Variants in GID4 observed in about 807,000 individuals in gnomAD.
GID4 encodes the protein GID complex subunit 4 homolog.
In GID4, 7 loss-of-function variants were observed where a neutral mutation model predicts 32.4. The ratio of observed to expected loss-of-function variants is 0.22; its 90% confidence interval spans 0.12 to 0.41. The LOEUF is 0.41. Ranked by LOEUF, GID4 falls within the 10% of genes least tolerant of loss-of-function variation. The pLI, the probability that GID4 is intolerant of heterozygous loss-of-function variation, is 1.00. For missense variants in GID4, 309 were observed against 400.0 expected (o/e 0.77, Z 1.94); for synonymous variants, 166 against 170.0 (o/e 0.98, Z 0.18).
rs193097868 is a variant in GID4, at chr17:18,066,617, G to A, written c.*1374G>A. ...TACAAGACTTACTCCGAATACAAGA[G>A]GAAAAGCTTTAAAAACAAGATTGCA... On this transcript the variant is annotated 3_prime_UTR_variant, in exon 6 of 6. Coordinates refer to ENST00000268719, the MANE Select transcript of GID4 (RefSeq NM_024052.5). 6.6e-6 allele frequency: 1 copy of A among 152,132 alleles called. No homozygotes were observed. Among genetic ancestry groups the A allele is most frequent in the East Asian group, 1.9e-4 (1 of 5,190 alleles). The allele number at this position is 152,132 out of a possible 1,614,324, so 9.4% of individuals were successfully genotyped here.
chr17:18,042,068 A>G (rs1416131261), intron 1 of GID4, among the ~76,000 whole-genome samples: 1 of 152,222 alleles, frequency 6.6e-6, no homozygotes, highest in Non-Finnish European at 1.5e-5. Context: ...TTCAGCCAGG[A>G]CTAGTTTGTC....
Position 18,039,949 on chromosome 17 carries a change from C to T in GID4, c.438+47C>T. ...GGCCCGAGGGCCTCCTCGCGGCGCT[C>T]ACGGGCCGTGCCCGCTTCGGCTCCT... On this transcript the variant is annotated intron_variant, in intron 1 of 5. Transcript: ENST00000268719. This position sits in a 1 kb window ranked among gnomAD's most constrained non-coding sequence, Gnocchi z 5.3. 7.6e-7 allele frequency: 1 copy of T among 1,310,574 alleles called. No individual in the cohort carries two copies. Among genetic ancestry groups the T allele is most frequent in the East Asian group, 3.1e-5 (1 of 32,620 alleles). 81.2% of individuals were successfully genotyped at this position (1,310,574 alleles called of 1,614,324 possible).
chr17:18,044,313 T>A (rs2044831512), intron 1 of GID4, among the ~76,000 whole-genome samples: 1 of 152,146 alleles, frequency 6.6e-6, no homozygotes, highest in Non-Finnish European at 1.5e-5. Flanking sequence ...GTTGACCAAG[T>A]CTTACGTGGT....
At chr17:18,045,666 G>C (rs1226911402) in intron 2 of GID4, among the ~76,000 whole-genome samples, 2 of 151,766 alleles carry the variant, frequency 1.3e-5, no homozygotes, top group Non-Finnish European at 2.9e-5. Context: ...AGCCTGAGGT[G>C]TGCAGATCAC....
At chr17:18,056,320 G>C (rs2044966620) in intron 3 of GID4, among the ~76,000 whole-genome samples, 1 of 152,248 alleles carries the variant, frequency 6.6e-6, no homozygotes, top group African/African-American at 2.4e-5. Flanking sequence ...GTGTCTCTCT[G>C]TGATACAAGA....
chr17:18,058,409 TG>T (rs1308608043), intron 3 of GID4, among the ~76,000 whole-genome samples: 8 of 152,216 alleles, frequency 5.3e-5, no homozygotes, highest in African/African-American at 1.9e-4. Context: ...CTTAGCTAGC[TG>T]GCCCAAGCCC....
chr17:18,048,759 C>CA (rs2145556688), intron 2 of GID4, among the ~76,000 whole-genome samples: 1 of 152,022 alleles, frequency 6.6e-6, no homozygotes, highest in African/African-American at 2.4e-5. Flanking sequence ...TCCCATGCCT[C>CA]AGCCTCCCGA....
intron 5 of GID4, among the ~76,000 whole-genome samples, chr17:18,064,670 C>T (rs1326964804): frequency 2.6e-5 from 4 of 152,096 alleles, no homozygotes; most frequent in Non-Finnish European, 5.9e-5. Context: ...AGCCTAATAC[C>T]GTACCTAGGA....
chr17:18,050,285 CTT>C (rs1385203791), intron 2 of GID4, among the ~76,000 whole-genome samples: 1 of 152,200 alleles, frequency 6.6e-6, no homozygotes, highest in Non-Finnish European at 1.5e-5. Flanking sequence ...GTTTTTAACT[CTT>C]TGAGGAATTG....
chr17:18,061,064 A>G lies in GID4; in HGVS notation c.709-781A>G, dbSNP rs563789366. Among the ~76,000 whole-genome samples the G allele has an allele frequency of 6.6e-6, 1 of 152,318 alleles. No individual in the cohort carries two copies. Among genetic ancestry groups the G allele is most frequent in the East Asian group, 1.9e-4 (1 of 5,192 alleles). On this transcript the variant is annotated intron_variant, in intron 4 of 5. Coordinates refer to ENST00000268719, the MANE Select transcript of GID4 (RefSeq NM_024052.5). This position sits in a 1 kb window ranked among gnomAD's most constrained non-coding sequence, Gnocchi z 4.4. ...TTTTAAAATTAATTTTAAAAGCCAC[A>G]ATTTTAGAAGTTGAATAAGGAATGG...
rs1203287696 is a variant in GID4, at chr17:18,039,435, T to C, written c.-30T>C. 3.5e-5 allele frequency: 47 copies of C among 1,348,604 alleles called. No homozygotes were observed. The East Asian group carries it at 1.1e-3, about 33-fold the overall frequency. 83.5% of individuals were successfully genotyped at this position (1,348,604 alleles called of 1,614,324 possible). On this transcript the variant is annotated 5_prime_UTR_variant, in exon 1 of 6. Coordinates refer to ENST00000268719, the MANE Select transcript of GID4 (RefSeq NM_024052.5). This position sits in a 1 kb window ranked among gnomAD's most constrained non-coding sequence, Gnocchi z 5.3. ...GTGTGTGTCTGTGTGTGTTTGTGTGTTGTGTGTCTGTGAGTGTCTGTGTGT... is the reference window on the plus strand; with the variant it reads ...GTGTGTGTCTGTGTGTGTTTGTGTGCTGTGTGTCTGTGAGTGTCTGTGTGT...
intron 2 of GID4, among the ~76,000 whole-genome samples, chr17:18,053,169 A>G (rs1177954729): frequency 2.7e-5 from 4 of 149,030 alleles, no homozygotes; most frequent in African/African-American, 4.9e-5. Flanking sequence ...ATGCGCCACC[A>G]CGCCCGGCTA....
At chr17:18,057,809 A>G (rs2145568755) in intron 3 of GID4, among the ~76,000 whole-genome samples, 1 of 152,222 alleles carries the variant, frequency 6.6e-6, no homozygotes, top group East Asian at 1.9e-4. Context: ...ATTTGAAAAA[A>G]AAAATTGCAT....
In GID4 at chr17:18,060,164, C is replaced by T. The variant is rs1227659003; in HGVS notation, c.708+1195C>T. ...CCTGTAATCCCAGCACTTTGGGAGG[C>T]CAAGAGAGCCAGATCACGAGGTCAG... On this transcript the variant is annotated intron_variant, in intron 4 of 5. Coordinates refer to ENST00000268719, the MANE Select transcript of GID4 (RefSeq NM_024052.5). Among the ~76,000 whole-genome samples the T allele has an allele frequency of 2.0e-5, 3 of 151,004 alleles. No individual in the cohort carries two copies. In the East Asian group the frequency reaches 5.8e-4, roughly 29 times the overall value.
chr17:18,056,713 G>C, intron 3 of GID4: 1 of 1,549,240 alleles, frequency 6.5e-7, no homozygotes, highest in Non-Finnish European at 8.7e-7. Flanking sequence ...AACATTGGAA[G>C]ATATCTGGAT....
rs2045074628 is a variant in GID4, at chr17:18,067,356, A to G, written c.*2113A>G. The G allele has an allele frequency of 6.6e-6, 1 of 152,294 alleles. No individual in the cohort carries two copies. Among genetic ancestry groups the G allele is most frequent in the Non-Finnish European group, 1.5e-5 (1 of 68,078 alleles). 9.4% of individuals were successfully genotyped at this position (152,294 alleles called of 1,614,324 possible). ...CGAGTAGTGGTTTGAGTGGGCAGGA[A>G]GGGCCATTTGCAAACACTGCTGTGT... On this transcript the variant is annotated 3_prime_UTR_variant, in exon 6 of 6. Coordinates refer to ENST00000268719, the MANE Select transcript of GID4 (RefSeq NM_024052.5).
intron 5 of GID4, among the ~76,000 whole-genome samples, chr17:18,063,199 CAGG>C (rs1344887043): frequency 9.2e-6 from 1 of 108,388 alleles, no homozygotes; most frequent in East Asian, 1.9e-4. Flanking sequence ...ATCACGAGGT[CAGG>C]AGTTCGACAC....
chr17:18,047,770 TAGA>T (rs2044869119), intron 2 of GID4, among the ~76,000 whole-genome samples: 1 of 152,246 alleles, frequency 6.6e-6, no homozygotes, highest in Non-Finnish European at 1.5e-5. Flanking sequence ...GCCTTAGATG[TAGA>T]AGAATTCTTT....
chr17:18,055,644 A>G (rs1257658240), intron 3 of GID4, among the ~76,000 whole-genome samples: 1 of 151,980 alleles, frequency 6.6e-6, no homozygotes, highest in Non-Finnish European at 1.5e-5. Context: ...ACGTGCCACC[A>G]CACTGAGCTC....
Sources: allele counts gnomAD v4.1 joint callset (sites outside exome capture counted in the v4.1 genomes callset), GRCh38; gene constraint gnomAD v4.1.1; non-coding constraint Gnocchi (gnomAD v3.1); transcripts MANE v1.5; gene names NCBI Gene and HGNC (gene_info 2026-07-23, HGNC 2026-07-21).